CDC123: variants seen among roughly 807,000 people sequenced by gnomAD.
CDC123 encodes cell division cycle 123, also known as translation initiation factor eIF2 assembly protein.
CDC123 carries 37 observed loss-of-function variants against 54.4 expected under a neutral mutation model. The ratio of observed to expected loss-of-function variants is 0.68; its 90% CI spans 0.52 to 0.89. CDC123 has a LOEUF of 0.89. Ranked by LOEUF, CDC123 falls within the 40% of genes least tolerant of loss-of-function variation. The probability of loss-of-function intolerance (pLI) is 0.00; values close to 1 mark genes in which losing one functional copy is unlikely to be tolerated. For synonymous variants in CDC123, 144 were observed against 136.8 expected (o/e 1.05, Z -0.37); for missense variants, 361 against 412.1 (o/e 0.88, Z 1.07).
intron 4 of CDC123, among the ~76,000 whole-genome samples, chr10:12,210,892 G>T (rs1324531495): frequency 6.6e-6 from 1 of 152,084 alleles, no homozygotes; most frequent in East Asian, 1.9e-4. Context: ...GTAGTGACAG[G>T]GTTTCACCAT....
intron 2 of CDC123, among the ~76,000 whole-genome samples, chr10:12,200,117 G>A (rs1010488968): frequency 1.4e-4 from 7 of 48,982 alleles, no homozygotes; most frequent in African/African-American, 1.9e-4. Flanking sequence ...CACCGCACTC[G>A]GCATTTTTTT....
At position 12,235,058 on chromosome 10, in the gene CDC123, G is replaced by A. The variant is rs750545764; in HGVS notation, c.500G>A (p.Arg167Gln). ...TTCTTTTGTTTACAGCTCGTTCTCC[G>A]AAAATGGTGTGAATTGATTCCTGGG... The part of the protein sequence containing the change: ...DPCIEYELVL[R>Q]KWCELIPGAE... The change falls in exon 8 of 13, where the codon CGA (arginine) becomes CAA (glutamine). Residue 167 changes from arginine to glutamine, a missense_variant. By Grantham distance (43) the Arg-to-Gln change is conservative (BLOSUM62 1). Coordinates refer to ENST00000281141, the MANE Select transcript of CDC123 (RefSeq NM_006023.3). 4 of 1,613,608 alleles carry A rather than the reference G, an allele frequency of 2.5e-6. No individual in the cohort carries two copies. The highest frequency in any genetic ancestry group is 2.2e-5 in the East Asian group (1 of 44,872).
chr10:12,207,618 T>C (rs1019461977), intron 2 of CDC123, among the ~76,000 whole-genome samples: 11 of 152,134 alleles, frequency 7.2e-5, no homozygotes, highest in African/African-American at 2.2e-4. Context: ...GCAGCAAACA[T>C]TGATGGAAGA....
At chr10:12,220,309 C>T (rs557809449) in intron 6 of CDC123, among the ~76,000 whole-genome samples, 1 of 152,274 alleles carries the variant, frequency 6.6e-6, no homozygotes, top group South Asian at 2.1e-4. Context: ...TTTTTATCTT[C>T]GTTTAACTGA....
At chr10:12,216,149 C>G (rs1374370886) in intron 5 of CDC123, among the ~76,000 whole-genome samples, 1 of 152,014 alleles carries the variant, frequency 6.6e-6, no homozygotes, top group Non-Finnish European at 1.5e-5. Context: ...AGAAATTTTT[C>G]TTTGTTGAAA....
intron 11 of CDC123, chr10:12,246,848 A>G (rs1398205219): frequency 7.9e-6 from 1 of 126,466 alleles, no homozygotes; most frequent in Non-Finnish European, 1.6e-5. Flanking sequence ...CCCTCCATAC[A>G]CTTGTGTCCC....
chr10:12,250,184 A>C, intron 12 of CDC123, 127 bp from the exon 13 acceptor site: 1 of 568,092 alleles, frequency 1.8e-6, no homozygotes, highest in Non-Finnish European at 3.1e-6. Context: ...TTAATGAATT[A>C]AAGCATGGTT....
chr10:12,250,277 G>A (rs776714920), intron 12 of CDC123, 34 bp from the exon 13 acceptor site: 14 of 1,423,754 alleles, frequency 9.8e-6, no homozygotes, highest in African/African-American at 1.4e-5. Context: ...AGGAGCATGT[G>A]CTATTTTAAC....
chr10:12,201,243 A>G (rs1372542288), intron 2 of CDC123, among the ~76,000 whole-genome samples: 3 of 152,224 alleles, frequency 2.0e-5, no homozygotes, highest in Non-Finnish European at 2.9e-5. Flanking sequence ...AATGCCCACT[A>G]TATTGTATGC....
intron 4 of CDC123, 115 bp downstream of exon 4, chr10:12,210,437 T>G: frequency 7.9e-7 from 1 of 1,260,152 alleles, no homozygotes; most frequent in Non-Finnish European, 1.1e-6. Flanking sequence ...ATCTCATATA[T>G]TATTTTCCCT....
At chr10:12,225,135 C>T (rs1193813870) in intron 6 of CDC123, among the ~76,000 whole-genome samples, 1 of 152,192 alleles carries the variant, frequency 6.6e-6, no homozygotes, top group African/African-American at 2.4e-5. Context: ...TGGCTCACAT[C>T]TGTAATCCCA....
chr10:12,240,344 G>A (rs1836040709), intron 10 of CDC123, among the ~76,000 whole-genome samples: 1 of 152,286 alleles, frequency 6.6e-6, no homozygotes, highest in Non-Finnish European at 1.5e-5. Context: ...CACACAAGCA[G>A]AATATTTCTC....
chr10:12,201,661 G>C (rs1190650781), intron 2 of CDC123, among the ~76,000 whole-genome samples: 2 of 152,170 alleles, frequency 1.3e-5, no homozygotes, highest in African/African-American at 4.8e-5. Flanking sequence ...TTAAGATTAG[G>C]GGTGTGTGTG....
rs192904644 is a variant in CDC123, at chr10:12,240,135, C to T, written c.717+1650C>T. On this transcript the variant is annotated intron_variant, in intron 10 of 12. Coordinates refer to ENST00000281141, the MANE Select transcript of CDC123 (RefSeq NM_006023.3). ...TTTTAAATCTTAAAAGTGATGAAAA[C>T]TTCTGTAAGGAAAAAGTTAAAGTGA... Among the ~76,000 whole-genome samples the T allele has an allele frequency of 2.6e-5, 4 of 151,916 alleles. No individual in the cohort carries two copies. In the East Asian group the frequency reaches 7.7e-4, roughly 29 times the overall value.
chr10:12,226,382 G>T (rs944804942), intron 6 of CDC123, among the ~76,000 whole-genome samples: 4 of 151,752 alleles, frequency 2.6e-5, no homozygotes, highest in African/African-American at 9.7e-5. Context: ...CCCAGATGGG[G>T]CGGCTGGCCG....
intron 4 of CDC123, among the ~76,000 whole-genome samples, chr10:12,210,915 A>G (rs879416273): frequency 5.3e-5 from 8 of 152,054 alleles, no homozygotes; most frequent in Non-Finnish European, 8.8e-5. Context: ...TAGCCATGGT[A>G]GTCTCGAACT....
intron 6 of CDC123, 74 bp from the exon 7 acceptor site, chr10:12,230,874 A>G (rs2131753688): frequency 1.5e-6 from 2 of 1,357,174 alleles, no homozygotes; most frequent in South Asian, 2.5e-5. Flanking sequence ...CTCATGTTAA[A>G]TATATGTTAA....
At chr10:12,247,565 C>T (rs934603652) in intron 11 of CDC123, 2 of 152,262 alleles carry the variant, frequency 1.3e-5, no homozygotes, top group African/African-American at 4.8e-5. Flanking sequence ...ATGCCCTCTG[C>T]TCTTTTTGCA....
chr10:12,197,957 T>G (rs1835388463), intron 1 of CDC123, among the ~76,000 whole-genome samples: 1 of 152,200 alleles, frequency 6.6e-6, no homozygotes, highest in African/African-American at 2.4e-5. Flanking sequence ...GAAAGCAGGC[T>G]GTAATCTTTT....
Sources: gnomAD v4.1 joint callset for allele counts (sites outside exome capture counted in the v4.1 genomes callset) on GRCh38, gnomAD v4.1.1 for gene constraint, MANE v1.5 for transcripts, NCBI Gene and HGNC (gene_info 2026-07-23, HGNC 2026-07-21) for gene names.